Variants in CCDC33 observed in about 807,000 individuals in gnomAD.
CCDC33 encodes the protein coiled-coil domain-containing protein 33.
CCDC33 carries 94 observed loss-of-function variants against 91.9 expected under a neutral mutation model. The ratio of observed to expected loss-of-function variants is 1.02; its 90% CI spans 0.87 to 1.21. The LOEUF is 1.21. CCDC33 is among the 50% of genes most tolerant of loss of function. The probability of loss-of-function intolerance (pLI) is 0.00; values close to 1 mark genes in which losing one functional copy is unlikely to be tolerated. For synonymous variants in CCDC33, 396 were observed against 374.5 expected, an observed-to-expected ratio of 1.06 and a Z score of -0.66; for missense variants, 940 against 935.5, an observed-to-expected ratio of 1.00 and a Z score of -0.06.
chr15:74,237,478 G>C (rs2075201197), intron 1 of CCDC33, among the ~76,000 whole-genome samples: 1 of 152,206 alleles, frequency 6.6e-6, no homozygotes, highest in African/African-American at 2.4e-5. Flanking sequence ...ACTTGCAAAT[G>C]GGGGATACCC....
intron 1 of CCDC33, among the ~76,000 whole-genome samples, chr15:74,208,405 T>A (rs2142116015): frequency 6.6e-6 from 1 of 152,246 alleles, no homozygotes; most frequent in Non-Finnish European, 1.5e-5. Context: ...TGGTGTGGCC[T>A]TGAGATGTAG....
At chr15:74,225,585 C>T (rs1763563202) in intron 2 of CCDC33, among the ~76,000 whole-genome samples, 1 of 152,046 alleles carries the variant, frequency 6.6e-6, no homozygotes, top group Admixed American at 6.5e-5. Flanking sequence ...ATGGACATGC[C>T]TGGGAAGCGC....
chr15:74,318,592 G>A (rs764658994), intron 11 of CCDC33: 2 of 734,684 alleles, frequency 2.7e-6, no homozygotes, highest in South Asian at 3.0e-5. Flanking sequence ...CAGTAAAGAT[G>A]GGGGAGCCAG....
chr15:74,251,848 A>G (rs191992913), intron 2 of CCDC33, among the ~76,000 whole-genome samples: 4 of 152,298 alleles, frequency 2.6e-5, no homozygotes, highest in African/African-American at 7.2e-5. Flanking sequence ...AAGTAGGACA[A>G]TTGTTTGAAA....
intron 1 of CCDC33, chr15:74,217,602 T>C (rs1274219337): frequency 1.7e-6 from 2 of 1,200,838 alleles, no homozygotes; most frequent in African/African-American, 3.2e-5. Flanking sequence ...GGGGTGGGGT[T>C]TGGGGGAGAG....
intron 11 of CCDC33, among the ~76,000 whole-genome samples, chr15:74,296,419 G>T (rs529037034): frequency 6.6e-6 from 1 of 152,142 alleles, no homozygotes; most frequent in South Asian, 2.1e-4. Context: ...GAGGTCGGGA[G>T]TTCGAGACCA....
At chr15:74,210,110 T>C (rs1042475926) in intron 2 of CCDC33, among the ~76,000 whole-genome samples, 1 of 152,182 alleles carries the variant, frequency 6.6e-6, no homozygotes, top group African/African-American at 2.4e-5. Flanking sequence ...TTGGATCTGA[T>C]CACCATCTTG....
intron 11 of CCDC33, among the ~76,000 whole-genome samples, chr15:74,297,908 C>A (rs1396337679): frequency 6.6e-6 from 1 of 152,200 alleles, no homozygotes; most frequent in Non-Finnish European, 1.5e-5. Context: ...CTCCACCTTC[C>A]CCCAAGGATG....
intron 2 of CCDC33, among the ~76,000 whole-genome samples, chr15:74,254,744 CTTTTTTTTTT>C (rs756927130): frequency 1.3e-4 from 16 of 126,416 alleles, no homozygotes; most frequent in African/African-American, 4.9e-4. Flanking sequence ...TACCCTCCTT[CTTTTTTTTTT>C]TTTTTTTTTT....
chr15:74,265,446 C>T (rs61182982), intron 3 of CCDC33, among the ~76,000 whole-genome samples: 40,618 of 152,060 alleles, frequency 0.27, 6,518 homozygotes, highest in African/African-American at 0.41. Flanking sequence ...AAATCATAGA[C>T]TTCCAGAATA....
At chr15:74,288,887 C>A (rs1270262694) in intron 10 of CCDC33, among the ~76,000 whole-genome samples, 3 of 152,136 alleles carry the variant, frequency 2.0e-5, no homozygotes, top group Non-Finnish European at 4.4e-5. Context: ...CTGTTCTCAT[C>A]CATAAAAGGG....
At chr15:74,237,478 G>GGGGGATA (rs1329083836) in intron 1 of CCDC33, among the ~76,000 whole-genome samples, 8 of 152,206 alleles carry the variant, frequency 5.3e-5, no homozygotes, top group Non-Finnish European at 1.2e-4. Flanking sequence ...ACTTGCAAAT[G>GGGGGATA]GGGGATACCC....
chr15:74,284,842 G>A (rs557901186), intron 10 of CCDC33, among the ~76,000 whole-genome samples: 1 of 152,242 alleles, frequency 6.6e-6, no homozygotes, highest in Non-Finnish European at 1.5e-5. Context: ...GGTGTTGCCT[G>A]CAACTTCATC....
chr15:74,331,729 G>A lies in CCDC33; in HGVS notation c.1771+433G>A, dbSNP rs149469735. Among the ~76,000 whole-genome samples the A allele has an allele frequency of 2.4e-3, 371 of 152,296 alleles. 4 individuals carry two copies. The highest frequency in any genetic ancestry group is 4.3e-3 in the South Asian group (21 of 4,832). On this transcript the variant is annotated intron_variant, in intron 15 of 18. Transcript: ENST00000398814. ...CAAAGCAAACAAACAAAAATACTTT[G>A]ATTAAATCAATGATCTGGGGCCAGG...
At chr15:74,317,657 G>A (rs1567028638) in intron 11 of CCDC33, among the ~76,000 whole-genome samples, 1 of 152,224 alleles carries the variant, frequency 6.6e-6, no homozygotes, top group Non-Finnish European at 1.5e-5. Flanking sequence ...AAGTCCCAGT[G>A]CTGGTCAGCA....
chr15:74,247,002 G>A lies in CCDC33; in HGVS notation c.185+2854G>A, dbSNP rs141958107. Reference sequence around the variant, plus strand: ...TCTACTAAAAATACAAAAATTAGCCGAGCGTGGTAGCAGGCACCTGTAATC... The same window carrying A: ...TCTACTAAAAATACAAAAATTAGCCAAGCGTGGTAGCAGGCACCTGTAATC... On this transcript the variant is annotated intron_variant, in intron 2 of 18. Transcript: ENST00000398814. Among the ~76,000 whole-genome samples the A allele has an allele frequency of 2.9e-3, 443 of 151,972 alleles. 2 individuals carry two copies. The highest frequency in any genetic ancestry group is 0.01 in the African/African-American group (418 of 41,448).
intron 2 of CCDC33, among the ~76,000 whole-genome samples, chr15:74,220,916 GGCACCTTTCTGGTGCT>G (rs1428638114): frequency 5.9e-5 from 9 of 152,204 alleles, no homozygotes; most frequent in African/African-American, 2.2e-4. Flanking sequence ...AAGGAAGGCA[GGCACCTTTCTGGTGCT>G]GCTACTTGGA....
At chr15:74,308,956 C>G (rs60613279) in intron 11 of CCDC33, among the ~76,000 whole-genome samples, 7,100 of 151,952 alleles carry the variant, frequency 0.047, 215 homozygotes, top group Middle Eastern at 0.12. Flanking sequence ...AAGACCTCAC[C>G]CTCCTGCCTT....
chr15:74,310,155 A>G (rs919878357), intron 11 of CCDC33, among the ~76,000 whole-genome samples: 1 of 152,096 alleles, frequency 6.6e-6, no homozygotes, highest in Admixed American at 6.6e-5. Context: ...AACCTGACTC[A>G]AACAAAATAA....
Sources: gnomAD v4.1 joint callset for allele counts (sites outside exome capture counted in the v4.1 genomes callset) on GRCh38, gnomAD v4.1.1 for gene constraint, MANE v1.5 for transcripts, NCBI Gene and HGNC (gene_info 2026-07-23, HGNC 2026-07-21) for gene names.